SHANK2: variants seen among roughly 807,000 people sequenced by gnomAD.
The protein encoded by SHANK2 is SH3 and multiple ankyrin repeat domains 2.
Under a neutral mutation model 133.7 loss-of-function variants are expected in SHANK2, and 43 were observed. That is an observed-to-expected ratio of 0.32 (90% CI 0.25 to 0.41). SHANK2 has a LOEUF of 0.41. Among genes scored for constraint, SHANK2 ranks in the 10% least tolerant of loss-of-function variants. SHANK2 has a pLI of 1.00. For synonymous variants in SHANK2, 1,017 were observed against 952.8 expected (o/e 1.07, Z -1.24); for missense variants, 1,994 against 2,235.8 (o/e 0.89, Z 2.18).
intron 14 of SHANK2, among the ~76,000 whole-genome samples, chr11:70,795,919 G>A (rs1372259967): frequency 1.3e-5 from 2 of 152,200 alleles, no homozygotes; most frequent in African/African-American, 4.8e-5. Flanking sequence ...TTAGCCAAGT[G>A]AGACTCACAC....
chr11:70,495,823 G>T, intron 21 of SHANK2: 1 of 197,364 alleles, frequency 5.1e-6, no homozygotes, highest in South Asian at 6.1e-5. Context: ...GGCGAGCTCT[G>T]GGGGCAGCCG....
chr11:70,807,464 G>T lies in SHANK2; in HGVS notation c.1494-293C>A, dbSNP rs1031423508. ...TGGCACCGTTCACAGCAGCCCAAGG[G>T]TCCCTCCACAGAATGGAGAGACACA... On this transcript the variant is annotated intron_variant, in intron 12 of 25. Coordinates refer to ENST00000601538, the MANE Select transcript of SHANK2 (RefSeq NM_012309.5). The surrounding 1 kb of genome is among the most constrained non-coding windows in gnomAD (Gnocchi z 4.8). Among the ~76,000 whole-genome samples, 1 of 152,134 alleles carries T rather than the reference G, an allele frequency of 6.6e-6. No homozygotes were observed. The highest frequency in any genetic ancestry group is 2.4e-5 in the African/African-American group (1 of 41,446).
chr11:70,642,862 A>G (rs1306934092), intron 17 of SHANK2, among the ~76,000 whole-genome samples: 5 of 152,242 alleles, frequency 3.3e-5, no homozygotes, highest in African/African-American at 1.2e-4. Context: ...AGTTTTTAAA[A>G]AAAGTTACTT....
chr11:70,569,095 A>G lies in SHANK2; in HGVS notation c.2062-66164T>C, dbSNP rs946068864. On this transcript the variant is annotated intron_variant, in intron 17 of 25. Transcript: ENST00000601538. The surrounding 1 kb of genome is among the most constrained non-coding windows in gnomAD (Gnocchi z 5.1). ...GACTTACAGTGAACGGAGCCAGGAA[A>G]GCGAATCTGCCTTGACTTGTCCTGG... Among the ~76,000 whole-genome samples the G allele has an allele frequency of 7.2e-5, 11 of 152,206 alleles. No homozygotes were observed. Among genetic ancestry groups the G allele is most frequent in the Non-Finnish European group, 1.5e-4 (10 of 68,034 alleles).
At chr11:70,478,146 T>C (rs531108612) in intron 25 of SHANK2, among the ~76,000 whole-genome samples, 217 of 151,890 alleles carry the variant, frequency 1.4e-3, no homozygotes, top group African/African-American at 5.1e-3. Flanking sequence ...AAGAAGCAAG[T>C]GGCTTTTTTA....
At position 70,471,272 on chromosome 11, in the gene SHANK2, A is replaced by C. The variant is rs2154625; in HGVS notation, c.*1597T>G. ...CTAATCAAGAAAAAAAGGAAAAAAA[A>C]AAAACAAAACCATGTTTTATAATTA... On this transcript the variant is annotated 3_prime_UTR_variant, in exon 26 of 26. Coordinates refer to ENST00000601538, the MANE Select transcript of SHANK2 (RefSeq NM_012309.5). This position sits in a 1 kb window ranked among gnomAD's most constrained non-coding sequence, Gnocchi z 4.1. The C allele has an allele frequency of 0.011, 4,215 of 398,978 alleles. 106 individuals carry two copies. The highest frequency in any genetic ancestry group is 0.075 in the East Asian group (2,095 of 28,076). 24.7% of individuals were successfully genotyped at this position (398,978 alleles called of 1,614,324 possible).
chr11:70,577,128 A>G (rs973738142), intron 17 of SHANK2, among the ~76,000 whole-genome samples: 4 of 152,222 alleles, frequency 2.6e-5, no homozygotes, highest in African/African-American at 9.6e-5. Flanking sequence ...CAGTCTGGAT[A>G]CAGTGACACA....
At chr11:71,163,095 T>TAC in intron 2 of SHANK2, among the ~76,000 whole-genome samples, 1 of 57,994 alleles carries the variant, frequency 1.7e-5, no homozygotes, top group Admixed American at 1.3e-4. Context: ...AAAAAAAAAA[T>TAC]ACATATATAT....
At chr11:71,162,546 A>G (rs1401886042) in intron 2 of SHANK2, among the ~76,000 whole-genome samples, 1 of 152,242 alleles carries the variant, frequency 6.6e-6, no homozygotes. Context: ...ATATCAGGTA[A>G]AATTATAGAA....
At chr11:71,210,242 A>ATATATATATG (rs1555118706) in intron 2 of SHANK2, among the ~76,000 whole-genome samples, 2 of 87,650 alleles carry the variant, frequency 2.3e-5, no homozygotes, top group South Asian at 4.4e-4. Context: ...ATATATATAT[A>ATATATATATG]TATATATATA....
chr11:71,092,500 G>C lies in SHANK2; in HGVS notation c.834C>G (p.Pro278=). ...CGTGCAGGAGAAGCTCGCAGCAGTA[G>C]GGATCACCTCCGACGATGGCTGTGT... ...LYHTAIVGGD[P]YCCELLLHEH... is the part of the protein sequence containing the mutation. The change falls in exon 8 of 26, where the codon CCC becomes CCG. Residue 278 remains proline, a synonymous_variant. Coordinates refer to ENST00000601538, the MANE Select transcript of SHANK2 (RefSeq NM_012309.5). The C allele has an allele frequency of 6.4e-7, 1 of 1,551,752 alleles. No individual in the cohort carries two copies. Among genetic ancestry groups the C allele is most frequent in the Non-Finnish European group, 8.7e-7 (1 of 1,147,026 alleles).
rs556199915 is a variant in SHANK2 at position 70,739,253 on chromosome 11, C to T, written c.1778-40490G>A. 9.2e-5 allele frequency among the ~76,000 whole-genome samples: 14 copies of T among 152,312 alleles called. No individual in the cohort carries two copies. Among genetic ancestry groups the T allele is most frequent in the African/African-American group, 2.6e-4 (11 of 41,576 alleles). The stretch of plus-strand genomic sequence containing the variant: ...ACTTCAGGGGCACACAAAGCCCAGA[C>T]GCAGACCCGGGGCATCTCCCATCTC... On this transcript the variant is annotated intron_variant, in intron 14 of 25. Coordinates refer to ENST00000601538, the MANE Select transcript of SHANK2 (RefSeq NM_012309.5). This position sits in a 1 kb window ranked among gnomAD's most constrained non-coding sequence, Gnocchi z 4.3.
chr11:70,518,453 G>C (rs2059292248), intron 17 of SHANK2, among the ~76,000 whole-genome samples: 1 of 152,210 alleles, frequency 6.6e-6, no homozygotes, highest in African/African-American at 2.4e-5. Context: ...CATGGCTCAG[G>C]CTCCCTGAGT....
rs182775233 is a variant in SHANK2, at chr11:70,726,695, G to A, written c.1778-27932C>T. Among the ~76,000 whole-genome samples the A allele has an allele frequency of 5.9e-5, 9 of 152,330 alleles. No homozygotes were observed. In the South Asian group the frequency reaches 8.3e-4, roughly 14 times the overall value. On this transcript the variant is annotated intron_variant, in intron 14 of 25. Coordinates refer to ENST00000601538, the MANE Select transcript of SHANK2 (RefSeq NM_012309.5). ...TATTCCCCTCCCTGAACCTACACCC[G>A]TATGCGATATGACTTTGCAGCTCCT...
intron 17 of SHANK2, chr11:70,603,637 C>G (rs907421402): frequency 6.6e-6 from 1 of 152,522 alleles, no homozygotes; most frequent in African/African-American, 2.4e-5. Flanking sequence ...GCTGGGACCT[C>G]GGAGAAGGTG....
chr11:71,072,764 G>A (rs1191884520), intron 9 of SHANK2, among the ~76,000 whole-genome samples: 7 of 152,082 alleles, frequency 4.6e-5, no homozygotes, highest in East Asian at 1.9e-4. Context: ...GACAAACCTC[G>A]AAAACATTGC....
At chr11:70,880,311 T>A (rs1949639846) in intron 11 of SHANK2, among the ~76,000 whole-genome samples, 1 of 152,192 alleles carries the variant, frequency 6.6e-6, no homozygotes, top group Non-Finnish European at 1.5e-5. Context: ...AAAGAAGGGC[T>A]GTGGTCAGCT....
chr11:70,873,931 C>G (rs543091142), intron 11 of SHANK2, among the ~76,000 whole-genome samples: 2 of 152,288 alleles, frequency 1.3e-5, no homozygotes, highest in East Asian at 3.9e-4. Context: ...GACAGGAACA[C>G]GTGTCATCAG....
chr11:70,828,202 A>G (rs1948674745), intron 11 of SHANK2, among the ~76,000 whole-genome samples: 1 of 152,162 alleles, frequency 6.6e-6, no homozygotes, highest in Admixed American at 6.5e-5. Flanking sequence ...GGATTGCTTG[A>G]GCCTAGAAGT....
Sources: gnomAD v4.1 joint callset for allele counts (sites outside exome capture counted in the v4.1 genomes callset) on GRCh38, gnomAD v4.1.1 for gene constraint, Gnocchi (gnomAD v3.1) non-coding constraint, MANE v1.5 for transcripts, NCBI Gene and HGNC (gene_info 2026-07-23, HGNC 2026-07-21) for gene names.